Variants in CRTAC1 observed in about 807,000 individuals in gnomAD.
The protein encoded by CRTAC1 is acidic secreted protein in cartilage.
CRTAC1 carries 37 observed loss-of-function variants against 67.8 expected under a neutral mutation model. The observed-to-expected ratio is 0.55, with a 90% CI of 0.42 to 0.72. The LOEUF is 0.72. Among genes scored for constraint, CRTAC1 ranks in the 30% least tolerant of loss-of-function variants. CRTAC1 has a pLI of 0.00. For missense variants in CRTAC1, 780 were observed against 931.6 expected (o/e 0.84, Z 2.12); for synonymous variants, 348 against 371.0 (o/e 0.94, Z 0.71).
intron 2 of CRTAC1, among the ~76,000 whole-genome samples, chr10:98,001,203 T>C (rs1842681996): frequency 1.3e-5 from 2 of 152,096 alleles, no homozygotes; most frequent in Non-Finnish European, 1.5e-5. Context: ...TGAACCGCCA[T>C]AGTAGGATAT....
intron 8 of CRTAC1, among the ~76,000 whole-genome samples, chr10:97,900,510 G>A (rs575832521): frequency 5.6e-5 from 8 of 143,256 alleles, no homozygotes; most frequent in South Asian, 2.3e-4. Flanking sequence ...ATTGGAGCCC[G>A]TAGCCCCTTT....
At chr10:98,010,559 G>C (rs1344601512) in intron 2 of CRTAC1, among the ~76,000 whole-genome samples, 1 of 152,160 alleles carries the variant, frequency 6.6e-6, no homozygotes, top group Admixed American at 6.5e-5. Context: ...CTAGTCTTAT[G>C]CTTTTTTTGC....
chr10:97,984,615 G>T (rs11189457), intron 2 of CRTAC1, among the ~76,000 whole-genome samples: 2 of 152,232 alleles, frequency 1.3e-5, no homozygotes, highest in Non-Finnish European at 2.9e-5. Context: ...CTTGCATGAC[G>T]TGGAAACAAG....
chr10:98,001,612 T>C (rs1275328684), intron 2 of CRTAC1, among the ~76,000 whole-genome samples: 1 of 152,040 alleles, frequency 6.6e-6, no homozygotes, highest in Non-Finnish European at 1.5e-5. Context: ...TGCATGATGG[T>C]TAAAAAGAGA....
intron 4 of CRTAC1, among the ~76,000 whole-genome samples, chr10:97,919,913 T>TG (rs1554919790): frequency 0.015 from 2,317 of 149,810 alleles, 75 homozygotes; most frequent in African/African-American, 0.055. Flanking sequence ...CTAATTTTTT[T>TG]TTTTGTTTGT....
intron 7 of CRTAC1, among the ~76,000 whole-genome samples, chr10:97,903,813 A>G (rs2050573107): frequency 6.6e-6 from 1 of 151,960 alleles, no homozygotes; most frequent in Non-Finnish European, 1.5e-5. Flanking sequence ...AGCCCTTTTG[A>G]AGAATTCTTG....
chr10:97,929,344 T>C (rs11189444), intron 3 of CRTAC1, among the ~76,000 whole-genome samples: 18,415 of 151,968 alleles, frequency 0.12, 1,269 homozygotes, highest in South Asian at 0.24. Context: ...ATCAGAAGAC[T>C]AGAAAAGGGG....
At chr10:97,870,443 G>A (rs918897159) in intron 14 of CRTAC1, 1 of 152,128 alleles carries the variant, frequency 6.6e-6, no homozygotes, top group African/African-American at 2.4e-5. Flanking sequence ...ATTACCCTGG[G>A]TCGGGGGTAG....
At position 97,895,803 on chromosome 10, in the gene CRTAC1, C is replaced by A; in HGVS notation, c.1317+82G>T. ...ACCCACCATGCTGGCCAAGCCAGCA[C>A]CCCGGCACCTTGCCCTCACCAACTC... On this transcript the variant is annotated intron_variant, in intron 10 of 14. Transcript: ENST00000370597. The surrounding 1 kb of genome is among the most constrained non-coding windows in gnomAD (Gnocchi z 4.2). 15 of 1,201,188 alleles carry A rather than the reference C, an allele frequency of 1.2e-5. No homozygotes were observed. Among genetic ancestry groups the A allele is most frequent in the Non-Finnish European group, 1.7e-5 (14 of 823,488 alleles). 74.4% of individuals were successfully genotyped at this position (1,201,188 alleles called of 1,614,324 possible).
chr10:97,933,087 G>T (rs2051025663), intron 3 of CRTAC1, among the ~76,000 whole-genome samples: 1 of 152,252 alleles, frequency 6.6e-6, no homozygotes, highest in South Asian at 2.1e-4. Flanking sequence ...TGCCTGGGCT[G>T]GTTGGGACCC....
At chr10:97,916,064 C>T (rs576711338) in intron 5 of CRTAC1, among the ~76,000 whole-genome samples, 2 of 152,068 alleles carry the variant, frequency 1.3e-5, no homozygotes, top group African/African-American at 4.8e-5. Context: ...CAAACCCAGC[C>T]GCAACCTCCA....
intron 2 of CRTAC1, among the ~76,000 whole-genome samples, chr10:97,979,993 C>T (rs2051866517): frequency 6.6e-6 from 1 of 152,166 alleles, no homozygotes; most frequent in Admixed American, 6.5e-5. Flanking sequence ...CAACAAACGC[C>T]CGGGGCCACT....
intron 2 of CRTAC1, among the ~76,000 whole-genome samples, chr10:97,998,132 G>T (rs1385723519): frequency 6.6e-6 from 1 of 152,124 alleles, no homozygotes; most frequent in Non-Finnish European, 1.5e-5. Flanking sequence ...CACTATACCA[G>T]CTAATTTATC....
At chr10:98,013,041 G>T (rs1427953329) in intron 1 of CRTAC1, among the ~76,000 whole-genome samples, 4 of 152,176 alleles carry the variant, frequency 2.6e-5, no homozygotes, top group Non-Finnish European at 5.9e-5. Context: ...GATGGGGGAG[G>T]AAATGGGAAA....
At chr10:97,943,112 A>G (rs2051203515) in intron 2 of CRTAC1, among the ~76,000 whole-genome samples, 1 of 152,166 alleles carries the variant, frequency 6.6e-6, no homozygotes, top group Non-Finnish European at 1.5e-5. Context: ...ATATCTATTC[A>G]GTAGTATAGT....
At chr10:97,904,228 C>A (rs1309034617) in intron 7 of CRTAC1, among the ~76,000 whole-genome samples, 2 of 152,028 alleles carry the variant, frequency 1.3e-5, no homozygotes, top group Admixed American at 1.3e-4. Context: ...GCTCCTACAG[C>A]AGCCCAGCTG....
chr10:98,024,808 C>T (rs1367477956), intron 1 of CRTAC1, among the ~76,000 whole-genome samples: 3 of 128,826 alleles, frequency 2.3e-5, no homozygotes, highest in Middle Eastern at 4.6e-3. Flanking sequence ...CACACACACA[C>T]ACACACACAC....
At chr10:97,993,393 A>G (rs547582293) in intron 2 of CRTAC1, among the ~76,000 whole-genome samples, 34 of 152,252 alleles carry the variant, frequency 2.2e-4, no homozygotes, top group Non-Finnish European at 4.1e-4. Flanking sequence ...CATTGGGGAC[A>G]TGAATCTGAT....
chr10:97,920,762 C>T (rs11189435), intron 4 of CRTAC1, among the ~76,000 whole-genome samples: 11,028 of 152,306 alleles, frequency 0.072, 510 homozygotes, highest in African/African-American at 0.12. Context: ...GGAGATCATA[C>T]TCCCCCTGCT....
Sources: allele counts gnomAD v4.1 joint callset (sites outside exome capture counted in the v4.1 genomes callset), GRCh38; gene constraint gnomAD v4.1.1; non-coding constraint Gnocchi (gnomAD v3.1); transcripts MANE v1.5; gene names NCBI Gene and HGNC (gene_info 2026-07-23, HGNC 2026-07-21).